Variants in TERT observed in about 807,000 individuals in gnomAD.
TERT encodes telomerase reverse transcriptase, also known as telomerase catalytic subunit.
A neutral mutation model predicts 104.0 loss-of-function variants in TERT; 42 were observed. The observed-to-expected ratio is 0.40, with a 90% CI of 0.32 to 0.52. The LOEUF (loss-of-function observed/expected upper bound fraction) is 0.52, where lower values mean the gene tolerates loss of function less well. Among genes scored for constraint, TERT ranks in the 20% least tolerant of loss-of-function variants. TERT has a pLI of 0.43. For missense variants in TERT, 1,101 were observed against 1,610.3 expected (o/e 0.68, Z 5.41); for synonymous variants, 781 against 725.6 (o/e 1.08, Z -1.23).
In TERT at chr5:1,264,445, C is replaced by A. The variant is rs201322872; in HGVS notation, c.2802G>T (p.Leu934=). 1.4e-5 allele frequency: 23 copies of A among 1,613,654 alleles called. No homozygotes were observed. In the African/African-American group the frequency reaches 2.3e-4, roughly 16 times the overall value. The change falls in exon 11 of 16, where the codon CTG becomes CTT. Residue 934 remains leucine, a synonymous_variant. Coordinates refer to ENST00000310581, the MANE Select transcript of TERT (RefSeq NM_198253.3). ...GCACCTCCAGGGTCCGGGTATCCAG[C>A]AGCAGGCCGCACCAGGGGAATAGGC... ...AHGLFPWCGL[L]LDTRTLEVQS...
At chr5:1,281,422 G>A (rs1439964384) in intron 3 of TERT, among the ~76,000 whole-genome samples, 2 of 152,186 alleles carry the variant, frequency 1.3e-5, no homozygotes, top group African/African-American at 4.8e-5. Context: ...GAGTGTGCAG[G>A]GGAGCTGGGG....
intron 3 of TERT, among the ~76,000 whole-genome samples, chr5:1,281,949 G>A (rs192312870): frequency 2.0e-3 from 309 of 152,204 alleles, no homozygotes; most frequent in Non-Finnish European, 3.3e-3. Context: ...TTAGCCAGGC[G>A]TGGTGGCAGG....
Position 1,294,452 on chromosome 5 carries a change from C to T in TERT, c.434G>A (p.Gly145Asp). 1 of 1,592,346 alleles carries T rather than the reference C, an allele frequency of 6.3e-7. No individual in the cohort carries two copies. The highest frequency in any genetic ancestry group is 8.5e-7 in the Non-Finnish European group (1 of 1,177,248). The change falls in exon 2 of 16, where the codon GGC becomes GAC. Residue 145 changes from glycine to aspartate, a missense_variant. Physicochemically the swap from Gly to Asp is moderately conservative, Grantham distance 94. This residue lies in a region of TERT where 47 missense variants were observed against 105.3 expected (regional missense o/e 0.45). Transcript: ENST00000310581. ...GAWGLLLRRV[G>D]DDVLVHLLAR... ...CAGCAGGTGAACCAGCACGTCGTCG[C>T]CCACGCGGCGCAGCAGCAGCCCCCA...
rs996413776 is a variant in TERT, at chr5:1,253,673, C to T, written c.*55G>A. ...CCCTCCCTCCCTGGGACGTAGAGCC[C>T]GGCGTGACAGGGCTGCTGGTGTCTG... On this transcript the variant is annotated 3_prime_UTR_variant, in exon 16 of 16. Transcript: ENST00000310581. 30 of 1,494,358 alleles carry T rather than the reference C, an allele frequency of 2.0e-5. No individual in the cohort carries two copies. Among genetic ancestry groups the T allele is most frequent in the South Asian group, 1.5e-4 (13 of 85,042 alleles). 92.6% of individuals were successfully genotyped at this position (1,494,358 alleles called of 1,614,324 possible). A position where few individuals can be genotyped will look rare whatever the true frequency, so the allele number is the denominator to read the frequency against.
chr5:1,278,901 C>A (rs1043464118), intron 5 of TERT, 105 bp from the exon 6 acceptor site: 1 of 1,482,792 alleles, frequency 6.7e-7, no homozygotes, highest in Non-Finnish European at 9.3e-7. Context: ...CTCTCTCTGA[C>A]CCCCACCACT....
At position 1,294,333 on chromosome 5, in the gene TERT, G is replaced by C; in HGVS notation, c.553C>G (p.Arg185Gly). ...LYQLGAATQARPPPHASGPRR... is the reference protein window; with the variant it reads ...LYQLGAATQAGPPPHASGPRR... ...GGTCCACTAGCGTGTGGCGGGGGCCGGGCCTGAGTGGCAGCGCCGAGCTGG... is the reference window on the plus strand; with the variant it reads ...GGTCCACTAGCGTGTGGCGGGGGCCCGGCCTGAGTGGCAGCGCCGAGCTGG... Residue 185 changes from arginine (R) to glycine (G), a missense_variant, in exon 2 of 16, where the codon CGG becomes GGG. Arg to Gly is a moderately radical substitution (Grantham distance 125). Coordinates refer to ENST00000310581, the MANE Select transcript of TERT (RefSeq NM_198253.3). 1 of 1,579,854 alleles carries C rather than the reference G, an allele frequency of 6.3e-7. No individual in the cohort carries two copies. Among genetic ancestry groups the C allele is most frequent in the South Asian group, 1.1e-5 (1 of 88,446 alleles).
chr5:1,272,172 G>T lies in TERT; in HGVS notation c.2382+13C>A. On this transcript the variant is annotated intron_variant, in intron 7 of 15. Coordinates refer to ENST00000310581, the MANE Select transcript of TERT (RefSeq NM_198253.3). ...GGGAGTCCGTGCCCAACCCTGCAGG[G>T]CAGTGCCCAGACCTGCTCGATGACG... 1 of 1,597,928 alleles carries T rather than the reference G, an allele frequency of 6.3e-7. No individual in the cohort carries two copies. The highest frequency in any genetic ancestry group is 8.5e-7 in the Non-Finnish European group (1 of 1,171,054).
In TERT at chr5:1,255,231, A is replaced by C; in HGVS notation, c.3157+56T>G. On this transcript the variant is annotated intron_variant, in intron 14 of 15. Coordinates refer to ENST00000310581, the MANE Select transcript of TERT (RefSeq NM_198253.3). This position sits in a 1 kb window ranked among gnomAD's most constrained non-coding sequence, Gnocchi z 6.9. ...GCCCAGATTCACTCAGTCTCCTGAC[A>C]CACTAACACCAGCAGGCAGGCACTG... 2 of 1,603,676 alleles carry C rather than the reference A, an allele frequency of 1.2e-6. No homozygotes were observed. Among genetic ancestry groups the C allele is most frequent in the Non-Finnish European group, 1.7e-6 (2 of 1,175,022 alleles).
chr5:1,256,025 T>G lies in TERT; in HGVS notation c.3033-614A>C, dbSNP rs1747704839. Reference sequence around the variant, plus strand: ...TGCATTTGTCAGTCTTCTTTGTTGTTGTTGAGATGGGCTCTCACTCTGTCA... The same window carrying G: ...TGCATTTGTCAGTCTTCTTTGTTGTGGTTGAGATGGGCTCTCACTCTGTCA... On this transcript the variant is annotated intron_variant, in intron 13 of 15. Coordinates refer to ENST00000310581, the MANE Select transcript of TERT (RefSeq NM_198253.3). This position sits in a 1 kb window ranked among gnomAD's most constrained non-coding sequence, Gnocchi z 7.0. 1.3e-5 allele frequency among the ~76,000 whole-genome samples: 2 copies of G among 152,052 alleles called. No homozygotes were observed. Among genetic ancestry groups the G allele is most frequent in the African/African-American group, 4.8e-5 (2 of 41,372 alleles).
At position 1,279,431 on chromosome 5, in the gene TERT, C is replaced by T. The variant is rs797046042; in HGVS notation, c.1990G>A (p.Val664Met). Residue 664 changes from valine (V) to methionine (M), a missense_variant, in exon 5 of 16, where the codon GTG (valine) becomes ATG (methionine). This residue lies in a region of TERT where 463 missense variants were observed against 797.5 expected (regional missense o/e 0.58). Transcript: ENST00000310581. ...LTSRVKALFS[V>M]LNYERARRPG... ...CGCCGCGCCCGCTCGTAGTTGAGCA[C>T]GCTGAACAGTGCCTTCACCCTCGAG... 2.6e-6 allele frequency: 4 copies of T among 1,550,994 alleles called. No homozygotes were observed. The highest frequency in any genetic ancestry group is 3.5e-6 in the Non-Finnish European group (4 of 1,148,330).
Position 1,274,970 on chromosome 5 carries a change from AAG to A in TERT, c.2287-2692_2287-2691del, listed in dbSNP as rs1301541345. 2.0e-5 allele frequency among the ~76,000 whole-genome samples: 3 copies of A among 152,250 alleles called. No individual in the cohort carries two copies. Among genetic ancestry groups the A allele is most frequent in the Non-Finnish European group, 4.4e-5 (3 of 68,044 alleles). Reference sequence around the variant, plus strand: ...TCAGCACACGTGAAACTCTTCTGTGAAGAGAGTCATGAAATGGAAAGACCCCT... The same window carrying A: ...TCAGCACACGTGAAACTCTTCTGTGAAGAGTCATGAAATGGAAAGACCCCT... On this transcript the variant is annotated intron_variant, in intron 6 of 15. Coordinates refer to ENST00000310581, the MANE Select transcript of TERT (RefSeq NM_198253.3). The surrounding 1 kb of genome is among the most constrained non-coding windows in gnomAD (Gnocchi z 5.3).
chr5:1,291,223 G>GA (rs551676366), intron 2 of TERT, among the ~76,000 whole-genome samples: 16 of 96,594 alleles, frequency 1.7e-4, no homozygotes, highest in East Asian at 6.8e-4. Flanking sequence ...GACACCTGGG[G>GA]CCGCGCCTCA....
In TERT at chr5:1,274,939, G is replaced by A. The variant is rs1047299958; in HGVS notation, c.2287-2659C>T. 2.0e-5 allele frequency among the ~76,000 whole-genome samples: 3 copies of A among 152,180 alleles called. No individual in the cohort carries two copies. Among genetic ancestry groups the A allele is most frequent in the Admixed American group, 6.5e-5 (1 of 15,274 alleles). On this transcript the variant is annotated intron_variant, in intron 6 of 15. Coordinates refer to ENST00000310581, the MANE Select transcript of TERT (RefSeq NM_198253.3). This position sits in a 1 kb window ranked among gnomAD's most constrained non-coding sequence, Gnocchi z 5.3. Reference sequence around the variant, plus strand: ...GACACCAATTACGCAGGAAACAGCCGGGAAATCAGCACACGTGAAACTCTT... The same window carrying A: ...GACACCAATTACGCAGGAAACAGCCAGGAAATCAGCACACGTGAAACTCTT...
In TERT at chr5:1,292,720, T is replaced by C. The variant is rs1425093646; in HGVS notation, c.1573+593A>G. 1.3e-5 allele frequency among the ~76,000 whole-genome samples: 2 copies of C among 151,978 alleles called. No homozygotes were observed. Among genetic ancestry groups the C allele is most frequent in the Non-Finnish European group, 1.5e-5 (1 of 67,994 alleles). ...TACAGATAGGGTTTCACCATGTTGG[T>C]CAGGCTGGTCTCAAACTCCTGACCT... On this transcript the variant is annotated intron_variant, in intron 2 of 15. Transcript: ENST00000310581. The surrounding 1 kb of genome is among the most constrained non-coding windows in gnomAD (Gnocchi z 5.5).
intron 11 of TERT, among the ~76,000 whole-genome samples, chr5:1,264,089 C>T (rs572097665): frequency 2.6e-5 from 4 of 152,184 alleles, no homozygotes; most frequent in Non-Finnish European, 2.9e-5. Context: ...GAGAGACTCA[C>T]GCCCAGCAGG....
intron 6 of TERT, among the ~76,000 whole-genome samples, chr5:1,273,094 CCCCA>C: frequency 9.9e-6 from 1 of 100,592 alleles, no homozygotes; most frequent in Admixed American, 9.3e-5. Flanking sequence ...ACACATCAGA[CCCCA>C]CAACCGCCAT....
rs1373986846 is a variant in TERT, at chr5:1,292,269, G to A, written c.1573+1044C>T. 6.6e-6 allele frequency among the ~76,000 whole-genome samples: 1 copy of A among 152,088 alleles called. No individual in the cohort carries two copies. Among genetic ancestry groups the A allele is most frequent in the Non-Finnish European group, 1.5e-5 (1 of 68,016 alleles). ...ACGGTAGGGCCTGGGAGCACTGGGA[G>A]CCAAAAGGGGGCTGGAGCGGAGGTT... On this transcript the variant is annotated intron_variant, in intron 2 of 15. Transcript: ENST00000310581. The surrounding 1 kb of genome is among the most constrained non-coding windows in gnomAD (Gnocchi z 5.5).
chr5:1,284,894 C>A (rs904848939), intron 2 of TERT, among the ~76,000 whole-genome samples: 2 of 150,554 alleles, frequency 1.3e-5, no homozygotes, highest in Admixed American at 1.3e-4. Context: ...TCACTCCAGA[C>A]CTGCACCATC....
At position 1,287,116 on chromosome 5, in the gene TERT, G is replaced by T. The variant is rs778214751; in HGVS notation, c.1574-4492C>A. On this transcript the variant is annotated intron_variant, in intron 2 of 15. Transcript: ENST00000310581. This position sits in a 1 kb window ranked among gnomAD's most constrained non-coding sequence, Gnocchi z 4.3. ...TGACAAAAAAATGAAAATAAATCAG[G>T]TTATCCAGTTAAACAACGACTGTCA... 2.9e-4 allele frequency among the ~76,000 whole-genome samples: 44 copies of T among 152,048 alleles called. No homozygotes were observed. Among genetic ancestry groups the T allele is most frequent in the Non-Finnish European group, 3.8e-4 (26 of 68,032 alleles).
Sources: allele counts gnomAD v4.1 joint callset (sites outside exome capture counted in the v4.1 genomes callset), GRCh38; gene constraint gnomAD v4.1.1; regional missense constraint gnomAD v4.1.1; non-coding constraint Gnocchi (gnomAD v3.1); transcripts MANE v1.5; gene names NCBI Gene and HGNC (gene_info 2026-07-23, HGNC 2026-07-21).